NDUFAF2: variants seen among roughly 807,000 people sequenced by gnomAD.
NDUFAF2 encodes the protein NADH dehydrogenase [ubiquinone] 1 alpha subcomplex assembly factor 2.
A neutral mutation model predicts 22.8 loss-of-function variants in NDUFAF2; 13 were observed. The ratio of observed to expected loss-of-function variants is 0.57; its 90% confidence interval spans 0.37 to 0.91. The LOEUF (loss-of-function observed/expected upper bound fraction) is 0.91. Ranked by LOEUF, NDUFAF2 falls within the 40% of genes least tolerant of loss-of-function variation. The pLI is 0.01. For missense variants in NDUFAF2, 162 were observed against 195.2 expected, an observed-to-expected ratio of 0.83 and a Z score of 1.01; for synonymous variants, 53 against 64.2, an observed-to-expected ratio of 0.83 and a Z score of 0.84.
At chr5:61,031,266 A>G (rs1751722729) in intron 1 of NDUFAF2, among the ~76,000 whole-genome samples, 1 of 151,984 alleles carries the variant, frequency 6.6e-6, no homozygotes, top group South Asian at 2.1e-4. Flanking sequence ...GCAACTCATC[A>G]TCTACATTAG....
intron 1 of NDUFAF2, among the ~76,000 whole-genome samples, chr5:61,007,711 A>C (rs932450637): frequency 6.6e-6 from 1 of 152,156 alleles, no homozygotes; most frequent in Non-Finnish European, 1.5e-5. Context: ...GTGGGACTGT[A>C]AACTAGTTCA....
chr5:61,116,998 C>T (rs553447354), intron 3 of NDUFAF2, among the ~76,000 whole-genome samples: 1 of 152,222 alleles, frequency 6.6e-6, no homozygotes, highest in South Asian at 2.1e-4. Context: ...TAATCATTTT[C>T]TACTACATAA....
chr5:61,137,884 G>A (rs1420705385), intron 3 of NDUFAF2, among the ~76,000 whole-genome samples: 2 of 152,264 alleles, frequency 1.3e-5, no homozygotes, highest in Non-Finnish European at 2.9e-5. Flanking sequence ...AGCCAATTTA[G>A]TAGGAAGCTC....
intron 1 of NDUFAF2, among the ~76,000 whole-genome samples, chr5:61,019,945 T>G (rs2112602992): frequency 6.6e-6 from 1 of 152,288 alleles, no homozygotes; most frequent in Non-Finnish European, 1.5e-5. Flanking sequence ...ATTCTGGTCT[T>G]GGTGTTTTTT....
intron 2 of NDUFAF2, among the ~76,000 whole-genome samples, chr5:61,085,133 T>C (rs1380288426): frequency 6.6e-6 from 1 of 152,150 alleles, no homozygotes; most frequent in Non-Finnish European, 1.5e-5. Context: ...TACATAAACA[T>C]AGATGTAGAA....
chr5:61,126,024 G>T (rs1028781333), intron 3 of NDUFAF2, among the ~76,000 whole-genome samples: 1 of 151,976 alleles, frequency 6.6e-6, no homozygotes, highest in South Asian at 2.1e-4. Flanking sequence ...ATCCATTTCT[G>T]AGGGAAGGTG....
At chr5:61,030,632 G>A (rs1751711057) in intron 1 of NDUFAF2, among the ~76,000 whole-genome samples, 1 of 151,870 alleles carries the variant, frequency 6.6e-6, no homozygotes, top group Admixed American at 6.6e-5. Flanking sequence ...CATTTTAAAA[G>A]TGTGAAGTCA....
rs148710180 is a variant in NDUFAF2, at chr5:61,002,318, A to C, written c.127+56936A>C. Among the ~76,000 whole-genome samples, 1,094 of 152,250 alleles carry C rather than the reference A, an allele frequency of 7.2e-3. 8 individuals carry two copies. Among genetic ancestry groups the C allele is most frequent in the South Asian group, 0.027 (129 of 4,826 alleles). On this transcript the variant is annotated intron_variant, in intron 1 of 3. Coordinates refer to ENST00000296597, the MANE Select transcript of NDUFAF2 (RefSeq NM_174889.5). ...TACTTCTCTGTCAGATCAAGCAAGG[A>C]GGGTATTCAGCCTTAACTCCTTTAG...
At chr5:61,067,462 A>G (rs1023279732) in intron 1 of NDUFAF2, among the ~76,000 whole-genome samples, 3 of 151,982 alleles carry the variant, frequency 2.0e-5, no homozygotes, top group Non-Finnish European at 2.9e-5. Flanking sequence ...TTCCAGCTTC[A>G]TCCATGTCCC....
At chr5:60,981,776 A>G (rs1408961936) in intron 1 of NDUFAF2, among the ~76,000 whole-genome samples, 1 of 152,204 alleles carries the variant, frequency 6.6e-6, no homozygotes, top group Non-Finnish European at 1.5e-5. Context: ...AATGAACACA[A>G]TAGAGAATCC....
chr5:61,088,829 AT>A lies in NDUFAF2; in HGVS notation c.218-10156del, dbSNP rs1275225168. Among the ~76,000 whole-genome samples, 4 of 152,212 alleles carry A rather than the reference AT, an allele frequency of 2.6e-5. No homozygotes were observed. In the South Asian group the frequency reaches 8.3e-4, roughly 32 times the overall value. On this transcript the variant is annotated intron_variant, in intron 2 of 3. Transcript: ENST00000296597. ...TCAGCACTCAGAACTAGCAAAGATCATTTTTTTAAAGATGAGGCTTTATTAC... is the reference window on the plus strand; with the variant it reads ...TCAGCACTCAGAACTAGCAAAGATCATTTTTTAAAGATGAGGCTTTATTAC...
At chr5:61,023,104 T>C (rs911085117) in intron 1 of NDUFAF2, among the ~76,000 whole-genome samples, 1 of 152,194 alleles carries the variant, frequency 6.6e-6, no homozygotes, top group Non-Finnish European at 1.5e-5. Context: ...CAAATAGGTG[T>C]TCCCCCCTTC....
chr5:61,013,285 A>AT (rs59388329), intron 1 of NDUFAF2, among the ~76,000 whole-genome samples: 9,479 of 151,640 alleles, frequency 0.063, 986 homozygotes, highest in African/African-American at 0.22. Context: ...GCTTAATTAA[A>AT]TTTTTTTTTC....
rs16878590 is a variant in NDUFAF2 at position 61,152,138 on chromosome 5, A to G, written c.259-566A>G. Among the ~76,000 whole-genome samples, 42 of 152,316 alleles carry G rather than the reference A, an allele frequency of 2.8e-4. 1 individual carries two copies. The East Asian group carries it at 7.3e-3, about 27-fold the overall frequency. ...TCCAATAGCAAAGAACCTCTCTGCAACAGTGTCTAGGGCATGCCAAACCCT... is the reference window on the plus strand; with the variant it reads ...TCCAATAGCAAAGAACCTCTCTGCAGCAGTGTCTAGGGCATGCCAAACCCT... On this transcript the variant is annotated intron_variant, in intron 3 of 3. Coordinates refer to ENST00000296597, the MANE Select transcript of NDUFAF2 (RefSeq NM_174889.5).
chr5:61,007,425 G>A (rs1302314607), intron 1 of NDUFAF2, among the ~76,000 whole-genome samples: 2 of 152,082 alleles, frequency 1.3e-5, no homozygotes, highest in African/African-American at 4.8e-5. Context: ...TCAGATAGTT[G>A]TAGATATGTG....
chr5:61,148,017 G>A (rs117048463), intron 3 of NDUFAF2, among the ~76,000 whole-genome samples: 19 of 152,214 alleles, frequency 1.2e-4, no homozygotes, highest in East Asian at 5.8e-4. Context: ...GTTTCACCGC[G>A]CACATGGACA....
chr5:61,030,318 G>A (rs1323365802), intron 1 of NDUFAF2, among the ~76,000 whole-genome samples: 2 of 152,108 alleles, frequency 1.3e-5, no homozygotes, highest in African/African-American at 4.8e-5. Flanking sequence ...GGCATGACAA[G>A]GAGGGAACCT....
intron 3 of NDUFAF2, among the ~76,000 whole-genome samples, chr5:61,138,582 G>C (rs934826191): frequency 1.3e-5 from 2 of 152,034 alleles, no homozygotes; most frequent in Admixed American, 1.3e-4. Context: ...TAGGACTTCC[G>C]GTTAGCTGGA....
At chr5:60,998,212 G>A (rs1326600978) in intron 1 of NDUFAF2, among the ~76,000 whole-genome samples, 3 of 152,180 alleles carry the variant, frequency 2.0e-5, no homozygotes, top group East Asian at 3.9e-4. Context: ...AAGGCTAATT[G>A]TTATTGGTAA....
Sources: gnomAD v4.1 joint callset for allele counts (sites outside exome capture counted in the v4.1 genomes callset) on GRCh38, gnomAD v4.1.1 for gene constraint, MANE v1.5 for transcripts, NCBI Gene and HGNC (gene_info 2026-07-23, HGNC 2026-07-21) for gene names.